The following TBCD variants were observed in gnomAD, a reference collection of about 807,000 sequenced individuals.
The protein encoded by TBCD is tubulin-specific chaperone D.
In TBCD, 105 loss-of-function variants were observed where a neutral mutation model predicts 169.3. The ratio of observed to expected loss-of-function variants is 0.62; its 90% CI spans 0.53 to 0.73. The LOEUF is 0.73. Among genes scored for constraint, TBCD ranks in the 30% least tolerant of loss-of-function variants. The probability of loss-of-function intolerance (pLI) is 0.00; values close to 1 mark genes in which losing one functional copy is unlikely to be tolerated. For missense variants in TBCD, 1,444 were observed against 1,600.1 expected, an observed-to-expected ratio of 0.90 and a Z score of 1.66; for synonymous variants, 700 against 643.9, an observed-to-expected ratio of 1.09 and a Z score of -1.32.
chr17:82,791,117 AGTCTCG>A (rs1474438688), intron 7 of TBCD, among the ~76,000 whole-genome samples: 1 of 111,218 alleles, frequency 9.0e-6, no homozygotes, highest in Non-Finnish European at 1.7e-5. Context: ...TTTTAGACGG[AGTCTCG>A]CTCTGTTGCC....
At chr17:82,896,052 A>G (rs2059453049) in intron 17 of TBCD, 1 of 152,346 alleles carries the variant, frequency 6.6e-6, no homozygotes, top group African/African-American at 2.4e-5. Flanking sequence ...CAAGACGAGA[A>G]AAGGCCCAGG....
In TBCD at chr17:82,945,597, A is replaced by G. The variant is rs557937817; in HGVS notation, c.*3134A>G. On this transcript the variant is annotated 3_prime_UTR_variant, in exon 39 of 39. Transcript: ENST00000355528. ...AAGAGAACAAAATTAAGTCATTTAGATAAAAATATGCCATTCTTATCTGTT... is the reference window on the plus strand; with the variant it reads ...AAGAGAACAAAATTAAGTCATTTAGGTAAAAATATGCCATTCTTATCTGTT... 6.6e-6 allele frequency: 1 copy of G among 152,374 alleles called. No homozygotes were observed. Among genetic ancestry groups the G allele is most frequent in the African/African-American group, 2.4e-5 (1 of 41,590 alleles). 9.4% of individuals were successfully genotyped at this position (152,374 alleles called of 1,614,324 possible).
rs1406139264 is a variant in TBCD, at chr17:82,847,815, GT to G, written c.1319-22406del. On this transcript the variant is annotated intron_variant, in intron 13 of 38. Coordinates refer to ENST00000355528, the MANE Select transcript of TBCD (RefSeq NM_005993.5). The stretch of plus-strand genomic sequence containing the variant: ...ATTTTGTATTTTTAGTAGAGATGGG[GT>G]TTCATCATGTTAGCCAGGATGGTCT... 2.6e-5 allele frequency among the ~76,000 whole-genome samples: 4 copies of G among 152,200 alleles called. No homozygotes were observed. In the East Asian group the frequency reaches 5.8e-4, roughly 22 times the overall value.
Position 82,752,324 on chromosome 17 carries a change from G to C in TBCD, c.131G>C (p.Arg44Pro), listed in dbSNP as rs1394649624. ...AETRALLGRL[R>P]EVHGGGAERE... ...ACCCGGGCGCTGCTGGGCCGCCTGC[G>C]GGAGGTGCACGGCGGCGGCGCGGAG... The change falls in exon 1 of 39, where the codon CGG becomes CCG. Residue 44 changes from arginine to proline, a missense_variant. By Grantham distance (103) the Arg-to-Pro change is moderately radical. Transcript: ENST00000355528. The C allele has an allele frequency of 8.1e-6, 12 of 1,473,036 alleles. No individual in the cohort carries two copies. The highest frequency in any genetic ancestry group is 1.5e-5 in the African/African-American group (1 of 67,594). 91.2% of individuals were successfully genotyped at this position (1,473,036 alleles called of 1,614,324 possible).
At chr17:82,841,318 T>TC (rs1447857948) in intron 13 of TBCD, among the ~76,000 whole-genome samples, 1 of 151,850 alleles carries the variant, frequency 6.6e-6, no homozygotes, top group African/African-American at 2.4e-5. Flanking sequence ...TATATTTAAT[T>TC]CCTTTTTTTT....
rs2063503217 is a variant in TBCD at position 82,944,076 on chromosome 17, C to T, written c.*1613C>T. 1 of 152,224 alleles carries T rather than the reference C, an allele frequency of 6.6e-6. No homozygotes were observed. The highest frequency in any genetic ancestry group is 1.5e-5 in the Non-Finnish European group (1 of 68,042). 9.4% of individuals were successfully genotyped at this position (152,224 alleles called of 1,614,324 possible). A position where few individuals can be genotyped will look rare whatever the true frequency, so the allele number is the denominator to read the frequency against. On this transcript the variant is annotated 3_prime_UTR_variant, in exon 39 of 39. Transcript: ENST00000355528. Reference sequence around the variant, plus strand: ...TGAGGATGGAAGGAACAAGTGGCTTCTGAGAAAAACATGATGAACTGTTCT... The same window carrying T: ...TGAGGATGGAAGGAACAAGTGGCTTTTGAGAAAAACATGATGAACTGTTCT...
intron 16 of TBCD, among the ~76,000 whole-genome samples, chr17:82,891,516 C>T (rs2059136949): frequency 1.3e-5 from 2 of 152,144 alleles, no homozygotes; most frequent in Admixed American, 6.5e-5. Context: ...CAGCCCCGCA[C>T]GGCCATGTCC....
At chr17:82,863,983 C>A (rs1351468956) in intron 13 of TBCD, among the ~76,000 whole-genome samples, 1 of 152,174 alleles carries the variant, frequency 6.6e-6, no homozygotes, top group Non-Finnish European at 1.5e-5. Context: ...AGATTACCAC[C>A]CTCAGGACTA....
At chr17:82,769,791 C>A (rs1349591829) in intron 5 of TBCD, among the ~76,000 whole-genome samples, 1 of 151,478 alleles carries the variant, frequency 6.6e-6, no homozygotes, top group South Asian at 2.1e-4. Context: ...GCAGAAGAAT[C>A]CCTTGAACCT....
chr17:82,826,600 G>A (rs4986111), intron 13 of TBCD, among the ~76,000 whole-genome samples: 18,915 of 151,898 alleles, frequency 0.12, 1,486 homozygotes, highest in Admixed American at 0.19. Context: ...ATTTTTTGTA[G>A]GGATGGGGTC....
chr17:82,780,336 C>T (rs1347412773), intron 6 of TBCD, among the ~76,000 whole-genome samples: 4 of 152,100 alleles, frequency 2.6e-5, no homozygotes, highest in Admixed American at 6.5e-5. Flanking sequence ...AGCTGTTTGT[C>T]GTTTCTCTCC....
At chr17:82,827,756 A>G (rs1034236727) in intron 13 of TBCD, among the ~76,000 whole-genome samples, 3 of 151,978 alleles carry the variant, frequency 2.0e-5, no homozygotes, top group African/African-American at 7.3e-5. Context: ...CACCCGTACA[A>G]TCGAATGCAC....
In TBCD at chr17:82,942,582, C is replaced by T. The variant is rs2063415924; in HGVS notation, c.*119C>T. 7.1e-7 allele frequency: 1 copy of T among 1,414,848 alleles called. No individual in the cohort carries two copies. Among genetic ancestry groups the T allele is most frequent in the Non-Finnish European group, 9.9e-7 (1 of 1,014,690 alleles). 87.6% of individuals were successfully genotyped at this position (1,414,848 alleles called of 1,614,324 possible). A position where few individuals can be genotyped will look rare whatever the true frequency, so the allele number is the denominator to read the frequency against. On this transcript the variant is annotated 3_prime_UTR_variant, in exon 39 of 39. Coordinates refer to ENST00000355528, the MANE Select transcript of TBCD (RefSeq NM_005993.5). ...CCAGCTGTTGAAGGGTAGCGCTGGC[C>T]CTTGGAGGCTGGCACTAGCTGACAG...
intron 7 of TBCD, among the ~76,000 whole-genome samples, chr17:82,786,412 G>A (rs1036987387): frequency 6.6e-6 from 1 of 152,134 alleles, no homozygotes. Flanking sequence ...GCCCTGCCCC[G>A]AGTGTGGGTG....
chr17:82,891,864 A>G (rs1309494158), intron 16 of TBCD, among the ~76,000 whole-genome samples: 3 of 152,058 alleles, frequency 2.0e-5, no homozygotes, highest in East Asian at 1.9e-4. Flanking sequence ...CCTTCTCCCT[A>G]CTGAGCCCAG....
chr17:82,938,854 C>T (rs1338912446), intron 36 of TBCD, among the ~76,000 whole-genome samples: 3 of 147,692 alleles, frequency 2.0e-5, no homozygotes, highest in Admixed American at 2.0e-4. Context: ...GGTGAGATTG[C>T]TTCTCTGGTG....
At chr17:82,759,985 C>G (rs1026673949) in intron 2 of TBCD, among the ~76,000 whole-genome samples, 13 of 150,738 alleles carry the variant, frequency 8.6e-5, no homozygotes, top group African/African-American at 3.2e-4. Context: ...CTCCCAGGTT[C>G]AAGAGATTCT....
At chr17:82,941,344 C>T in intron 37 of TBCD, 55 bp from the exon 38 acceptor site, 2 of 1,484,576 alleles carry the variant, frequency 1.3e-6, no homozygotes, top group South Asian at 2.4e-5. Flanking sequence ...CCTCCGCACA[C>T]CTGAGGTTCT....
Position 82,752,983 on chromosome 17 carries a change from A to AC in TBCD, c.184+610dup, listed in dbSNP as rs1430124123. On this transcript the variant is annotated intron_variant, in intron 1 of 38. Transcript: ENST00000355528. ...TCTGCAGGCGGGGTGGGGTGTAGGTACCCCTGTGGAGGCCATTCGATGAGT... is the reference window on the plus strand; with the variant it reads ...TCTGCAGGCGGGGTGGGGTGTAGGTACCCCCTGTGGAGGCCATTCGATGAGT... Among the ~76,000 whole-genome samples the AC allele has an allele frequency of 2.6e-5, 4 of 151,956 alleles. No homozygotes were observed. In the South Asian group the frequency reaches 8.3e-4, roughly 32 times the overall value.
Sources: gnomAD v4.1 joint callset for allele counts (sites outside exome capture counted in the v4.1 genomes callset) on GRCh38, gnomAD v4.1.1 for gene constraint, MANE v1.5 for transcripts, NCBI Gene and HGNC (gene_info 2026-07-23, HGNC 2026-07-21) for gene names.